The following NALF1 variants were observed in gnomAD, a reference collection of about 807,000 sequenced individuals.
NALF1 encodes NALCN channel auxiliary factor 1.
A neutral mutation model predicts 48.4 loss-of-function variants in NALF1; 3 were observed. The ratio of observed to expected loss-of-function variants is 0.06; its 90% CI spans 0.03 to 0.16. The LOEUF (loss-of-function observed/expected upper bound fraction) is 0.16. NALF1 is among the 10% of genes least tolerant of loss of function. NALF1 has a pLI of 1.00. For synonymous variants in NALF1, 262 were observed against 245.7 expected (o/e 1.07, Z -0.62); for missense variants, 526 against 571.5 (o/e 0.92, Z 0.81).
intron 1 of NALF1, among the ~76,000 whole-genome samples, chr13:107,253,987 A>G (rs966998592): frequency 2.6e-5 from 4 of 151,708 alleles, no homozygotes; most frequent in African/African-American, 9.7e-5. Context: ...GATGGCAAAC[A>G]CTTTGGTCGC....
At chr13:107,279,149 T>A (rs922254441) in intron 1 of NALF1, among the ~76,000 whole-genome samples, 3 of 151,632 alleles carry the variant, frequency 2.0e-5, no homozygotes, top group African/African-American at 4.8e-5. Context: ...ATTTGAGCTC[T>A]AATTTTCTTC....
At chr13:107,554,435 T>C (rs1222756328) in intron 1 of NALF1, among the ~76,000 whole-genome samples, 1 of 152,038 alleles carries the variant, frequency 6.6e-6, no homozygotes, top group Non-Finnish European at 1.5e-5. Flanking sequence ...TAATGCAGAG[T>C]TAGTCAGTTC....
chr13:107,564,694 C>T (rs1877744046), intron 1 of NALF1, among the ~76,000 whole-genome samples: 1 of 152,106 alleles, frequency 6.6e-6, no homozygotes, highest in Non-Finnish European at 1.5e-5. Flanking sequence ...TCCCTCTGTC[C>T]AAGAAAGGCC....
At chr13:107,354,280 T>A (rs1465331751) in intron 1 of NALF1, among the ~76,000 whole-genome samples, 1 of 152,018 alleles carries the variant, frequency 6.6e-6, no homozygotes, top group Non-Finnish European at 1.5e-5. Context: ...GAGAGTACAC[T>A]TGTGCTGCAC....
chr13:107,199,918 C>T (rs1010128093), intron 2 of NALF1, among the ~76,000 whole-genome samples: 11 of 152,306 alleles, frequency 7.2e-5, no homozygotes, highest in African/African-American at 1.7e-4. Context: ...GGCTGACCTT[C>T]GCTGCTTGTC....
At chr13:107,402,341 T>C (rs1326692158) in intron 1 of NALF1, among the ~76,000 whole-genome samples, 1 of 152,180 alleles carries the variant, frequency 6.6e-6, no homozygotes, top group Non-Finnish European at 1.5e-5. Flanking sequence ...CCACAGAGCT[T>C]GGGAATTAAT....
At chr13:107,823,826 T>C (rs772148208) in intron 1 of NALF1, among the ~76,000 whole-genome samples, 1 of 152,196 alleles carries the variant, frequency 6.6e-6, no homozygotes, top group Non-Finnish European at 1.5e-5. Context: ...GCAAGTGATT[T>C]AACCTGCTTG....
In NALF1 at chr13:107,570,729, A is replaced by G. The variant is rs186831937; in HGVS notation, c.915+294953T>C. On this transcript the variant is annotated intron_variant, in intron 1 of 2. Transcript: ENST00000375915. ...TTGGTACATAAGACTTTAAAAAATTATTACCTGATATATTTCACAGAGGAA... is the reference window on the plus strand; with the variant it reads ...TTGGTACATAAGACTTTAAAAAATTGTTACCTGATATATTTCACAGAGGAA... 4.2e-3 allele frequency among the ~76,000 whole-genome samples: 632 copies of G among 152,080 alleles called. 5 individuals are homozygous for G. Among genetic ancestry groups the G allele is most frequent in the African/African-American group, 0.015 (606 of 41,542 alleles).
At chr13:107,184,416 A>G (rs1391991826) in intron 2 of NALF1, among the ~76,000 whole-genome samples, 1 of 151,606 alleles carries the variant, frequency 6.6e-6, no homozygotes, top group Non-Finnish European at 1.5e-5. Flanking sequence ...TCAGTTTATT[A>G]CATTCCCTCT....
At position 107,362,581 on chromosome 13, in the gene NALF1, T is replaced by A. The variant is rs959401488; in HGVS notation, c.916-151826A>T. On this transcript the variant is annotated intron_variant, in intron 1 of 2. Transcript: ENST00000375915. This position sits in a 1 kb window ranked among gnomAD's most constrained non-coding sequence, Gnocchi z 4.6. Reference sequence around the variant, plus strand: ...ATATCAGACACCAGTCACACTGGATTAGCGCCCACCCTAATGACCTCATCT... The same window carrying A: ...ATATCAGACACCAGTCACACTGGATAAGCGCCCACCCTAATGACCTCATCT... Among the ~76,000 whole-genome samples the A allele has an allele frequency of 6.6e-6, 1 of 152,138 alleles. No homozygotes were observed. Among genetic ancestry groups the A allele is most frequent in the African/African-American group, 2.4e-5 (1 of 41,430 alleles).
intron 1 of NALF1, among the ~76,000 whole-genome samples, chr13:107,505,975 T>C (rs183271518): frequency 2.0e-5 from 3 of 152,288 alleles, no homozygotes; most frequent in Non-Finnish European, 1.5e-5. Context: ...GAAGGCTCAA[T>C]AAATACTGAT....
intron 1 of NALF1, among the ~76,000 whole-genome samples, chr13:107,779,931 C>A (rs1216211406): frequency 6.6e-6 from 1 of 152,018 alleles, no homozygotes; most frequent in Non-Finnish European, 1.5e-5. Context: ...TGGTCTTAAG[C>A]CATTTGGAAA....
intron 1 of NALF1, among the ~76,000 whole-genome samples, chr13:107,469,580 T>C (rs1004633799): frequency 6.6e-6 from 1 of 152,116 alleles, no homozygotes; most frequent in Non-Finnish European, 1.5e-5. Context: ...AAATCATCTC[T>C]GGATTACTTA....
rs139634620 is a variant in NALF1 at position 107,345,747 on chromosome 13, A to T, written c.916-134992T>A. On this transcript the variant is annotated intron_variant, in intron 1 of 2. Coordinates refer to ENST00000375915, the MANE Select transcript of NALF1 (RefSeq NM_001080396.3). Reference sequence around the variant, plus strand: ...AATGGACAATGATTTATTAACTGTAACTCTGAAAGCACAGACAGCAAAATA... The same window carrying T: ...AATGGACAATGATTTATTAACTGTATCTCTGAAAGCACAGACAGCAAAATA... 1.3e-3 allele frequency among the ~76,000 whole-genome samples: 196 copies of T among 152,332 alleles called. 2 individuals are homozygous for T. In the South Asian group the frequency reaches 0.014, roughly 11 times the overall value.
chr13:107,332,262 C>G (rs972552342), intron 1 of NALF1, among the ~76,000 whole-genome samples: 8 of 152,150 alleles, frequency 5.3e-5, no homozygotes, highest in Admixed American at 5.2e-4. Flanking sequence ...ACCCAGCTTG[C>G]AGAAGGGGAC....
intron 1 of NALF1, among the ~76,000 whole-genome samples, chr13:107,399,367 G>C (rs1427227899): frequency 6.6e-6 from 1 of 152,018 alleles, no homozygotes; most frequent in African/African-American, 2.4e-5. Context: ...TCATAATAGA[G>C]TAAAATGATC....
intron 1 of NALF1, among the ~76,000 whole-genome samples, chr13:107,223,215 T>A (rs1203523127): frequency 6.6e-6 from 1 of 152,182 alleles, no homozygotes; most frequent in African/African-American, 2.4e-5. Flanking sequence ...TTTATTGGCA[T>A]CTTGTGAAAG....
At position 107,251,015 on chromosome 13, in the gene NALF1, ACCT is replaced by A. The variant is rs369309165; in HGVS notation, c.916-40263_916-40261del. Among the ~76,000 whole-genome samples, 477 of 151,744 alleles carry A rather than the reference ACCT, an allele frequency of 3.1e-3. 2 individuals are homozygous for A. Among genetic ancestry groups the A allele is most frequent in the African/African-American group, 0.011 (452 of 41,370 alleles). On this transcript the variant is annotated intron_variant, in intron 1 of 2. Coordinates refer to ENST00000375915, the MANE Select transcript of NALF1 (RefSeq NM_001080396.3). ...GTCTGCAGAACCGTGAGCCAACTAA[ACCT>A]CCTTTCTTTATGAACTACCCAGTCT...
intron 2 of NALF1, among the ~76,000 whole-genome samples, chr13:107,199,544 T>G (rs1566448408): frequency 6.6e-6 from 1 of 152,110 alleles, no homozygotes; most frequent in Non-Finnish European, 1.5e-5. Context: ...ACATCTGAAT[T>G]TGGAGAACAG....
Sources: gnomAD v4.1 joint callset for allele counts (sites outside exome capture counted in the v4.1 genomes callset) on GRCh38, gnomAD v4.1.1 for gene constraint, Gnocchi (gnomAD v3.1) non-coding constraint, MANE v1.5 for transcripts, NCBI Gene and HGNC (gene_info 2026-07-23, HGNC 2026-07-21) for gene names.